The following ASB15 variants were observed in gnomAD, a reference collection of about 807,000 sequenced individuals.
ASB15 encodes ankyrin repeat and SOCS box containing 15, also known as ankyrin repeat and SOCS box protein 15.
Under a neutral mutation model 58.0 loss-of-function variants are expected in ASB15, and 54 were observed. That is an observed-to-expected ratio of 0.93 (90% CI 0.75 to 1.17). The LOEUF (loss-of-function observed/expected upper bound fraction) is 1.17, where lower values mean the gene tolerates loss of function less well. Ranked by LOEUF, ASB15 falls within the 50% of genes most tolerant of loss-of-function variation. The probability of loss-of-function intolerance (pLI) is 0.00; values close to 1 mark genes in which losing one functional copy is unlikely to be tolerated. For synonymous variants in ASB15, 249 were observed against 262.4 expected, an observed-to-expected ratio of 0.95 and a Z score of 0.50; for missense variants, 680 against 707.4, an observed-to-expected ratio of 0.96 and a Z score of 0.44.
At chr7:123,578,139 C>T (rs1263489415) in intron 1 of ASB15, among the ~76,000 whole-genome samples, 1 of 149,738 alleles carries the variant, frequency 6.7e-6, no homozygotes, top group Non-Finnish European at 1.5e-5. Context: ...AATAAAAGGA[C>T]AAATGAATAG....
chr7:123,587,415 A>T (rs1090540), intron 1 of ASB15, among the ~76,000 whole-genome samples: 32,410 of 150,900 alleles, frequency 0.21, 3,676 homozygotes, highest in East Asian at 0.4. Context: ...CTTTACTGTA[A>T]TTGTTTATTA....
rs1191099335 is a variant in ASB15 at position 123,591,149 on chromosome 7, TG to T, written c.-442-12882del. 5.3e-5 allele frequency among the ~76,000 whole-genome samples: 8 copies of T among 151,170 alleles called. No individual in the cohort carries two copies. The Middle Eastern group carries it at 0.014, about 257-fold the overall frequency. ...GCTTGTGATTTTTGCAAATTGATTT[TG>T]TATCCTGAGACTTTGCTGAAGTTGC... On this transcript the variant is annotated intron_variant, in intron 1 of 13. Transcript: ENST00000451558.
At chr7:123,608,400 T>C (rs150811131) in intron 2 of ASB15, among the ~76,000 whole-genome samples, 194 bp from the exon 3 acceptor site, 1 of 152,250 alleles carries the variant, frequency 6.6e-6, no homozygotes, top group Non-Finnish European at 1.5e-5. Flanking sequence ...GTTTAGTTTC[T>C]ACAGATCATT....
chr7:123,572,879 T>C (rs907871764), intron 1 of ASB15, among the ~76,000 whole-genome samples: 3 of 152,162 alleles, frequency 2.0e-5, no homozygotes, highest in Admixed American at 6.5e-5. Context: ...CCTTATTTTA[T>C]GCTATTTAAT....
rs533690944 is a variant in ASB15, at chr7:123,620,505, TAC to T, written c.451+2770_451+2771del. Among the ~76,000 whole-genome samples the T allele has an allele frequency of 7.5e-3, 383 of 50,964 alleles. 16 individuals are homozygous for T. The highest frequency in any genetic ancestry group is 0.014 in the African/African-American group (133 of 9,654). 33.4% of individuals were successfully genotyped at this position (50,964 alleles called of 152,430 possible). ...CCACTAGTAATGTGACACATATACA[TAC>T]ATATATATATATATATATATATATA... On this transcript the variant is annotated intron_variant, in intron 7 of 11. Coordinates refer to ENST00000451215, the MANE Select transcript of ASB15 (RefSeq NM_001290258.2).
chr7:123,574,857 A>T (rs1276111927), intron 1 of ASB15, among the ~76,000 whole-genome samples: 1 of 151,638 alleles, frequency 6.6e-6, no homozygotes, highest in Non-Finnish European at 1.5e-5. Flanking sequence ...TACTCTTTTT[A>T]TTTTTTCTAT....
chr7:123,592,008 T>C (rs1165802094), intron 1 of ASB15, among the ~76,000 whole-genome samples: 1 of 152,194 alleles, frequency 6.6e-6, no homozygotes, highest in African/African-American at 2.4e-5. Flanking sequence ...AGATTCAACT[T>C]TTTCCTGGTT....
intron 4 of ASB15, among the ~76,000 whole-genome samples, 182 bp downstream of exon 4, chr7:123,614,791 A>T (rs1394259778): frequency 3.3e-5 from 5 of 152,220 alleles, no homozygotes; most frequent in African/African-American, 4.8e-5. Flanking sequence ...ATCTTCCACA[A>T]ATCCTCACCT....
chr7:123,579,830 G>A (rs1799175521), intron 1 of ASB15, among the ~76,000 whole-genome samples: 1 of 152,036 alleles, frequency 6.6e-6, no homozygotes, highest in Non-Finnish European at 1.5e-5. Context: ...TAGACATTTA[G>A]TTTAAGTGAG....
At chr7:123,590,179 T>C (rs1483451914) in intron 1 of ASB15, among the ~76,000 whole-genome samples, 2 of 152,172 alleles carry the variant, frequency 1.3e-5, no homozygotes, top group Non-Finnish European at 2.9e-5. Context: ...TTGTTTTTTT[T>C]CCTGTAAATT....
chr7:123,614,542 A>G lies in ASB15; in HGVS notation c.40A>G (p.Ser14Gly). Residue 14 changes from serine to glycine, a missense_variant, in exon 4 of 12, where the codon AGT becomes GGT. Coordinates refer to ENST00000451215, the MANE Select transcript of ASB15 (RefSeq NM_001290258.2). ...NDDPDEDHLT[S>G]YDIQLSIQES... ...TGACCCTGATGAAGACCATCTTACA[A>G]GTTATGATATTCAGCTAAGTATTCA... The G allele has an allele frequency of 1.2e-6, 2 of 1,610,670 alleles. No homozygotes were observed. Among genetic ancestry groups the G allele is most frequent in the African/African-American group, 1.3e-5 (1 of 74,952 alleles).
In ASB15 at chr7:123,624,708, GA is replaced by G; in HGVS notation, c.594del (p.Lys198AsnfsTer8). ...GAAAAGATATCGTAGCTCTGCTGCT[GA>G]AACATGGAGGCAATGTCCACCTGAG... is the stretch of plus-strand genomic sequence containing the variant. ...GRKDIVALLLKHGGNVHLRDG... is the reference protein window; with the variant it reads ...GRKDIVALLLXHGGNVHLRDG... On this transcript the variant is annotated frameshift_variant, in exon 8 of 12. Coordinates refer to ENST00000451215, the MANE Select transcript of ASB15 (RefSeq NM_001290258.2). LOFTEE classifies it high-confidence loss of function. The G allele has an allele frequency of 6.2e-7, 1 of 1,614,224 alleles. No individual in the cohort carries two copies. The highest frequency in any genetic ancestry group is 8.5e-7 in the Non-Finnish European group (1 of 1,180,042).
At chr7:123,610,005 A>G (rs1408234419) in intron 3 of ASB15, among the ~76,000 whole-genome samples, 1 of 152,182 alleles carries the variant, frequency 6.6e-6, no homozygotes, top group Non-Finnish European at 1.5e-5. Context: ...AAGCTTAGGA[A>G]CCTCAGACCA....
chr7:123,600,369 G>A (rs1799837188), upstream of ASB15, among the ~76,000 whole-genome samples: 1 of 152,038 alleles, frequency 6.6e-6, no homozygotes, highest in South Asian at 2.1e-4. Context: ...GGATAAAACA[G>A]GCATACCATC....
chr7:123,595,344 T>C (rs1799663733), intron 1 of ASB15, among the ~76,000 whole-genome samples: 1 of 152,180 alleles, frequency 6.6e-6, no homozygotes, highest in African/African-American at 2.4e-5. Context: ...GGCACATCCT[T>C]TTTGCCTCAT....
chr7:123,586,732 A>G (rs891887725), intron 1 of ASB15, among the ~76,000 whole-genome samples: 5 of 151,576 alleles, frequency 3.3e-5, no homozygotes, highest in Admixed American at 6.6e-5. Context: ...TAATTTTTGT[A>G]TATGGTGTAA....
At chr7:123,570,179 C>T (rs565142455) in intron 1 of ASB15, among the ~76,000 whole-genome samples, 18 of 151,812 alleles carry the variant, frequency 1.2e-4, no homozygotes, top group Non-Finnish European at 1.9e-4. Flanking sequence ...GGACCACAGG[C>T]GCCCGCCACC....
At chr7:123,635,336 T>C (rs1000778619) in intron 11 of ASB15, among the ~76,000 whole-genome samples, 13 of 152,186 alleles carry the variant, frequency 8.5e-5, no homozygotes, top group African/African-American at 3.1e-4. Flanking sequence ...AAACTATACA[T>C]GTGTACTTTC....
chr7:123,567,430 T>C (rs1300100162), intron 1 of ASB15, among the ~76,000 whole-genome samples: 1 of 152,214 alleles, frequency 6.6e-6, no homozygotes, highest in East Asian at 1.9e-4. Flanking sequence ...CAAAATTTGC[T>C]TTGTGATGCC....
Sources: allele counts gnomAD v4.1 joint callset (sites outside exome capture counted in the v4.1 genomes callset), GRCh38; gene constraint gnomAD v4.1.1; transcripts MANE v1.5; gene names NCBI Gene and HGNC (gene_info 2026-07-23, HGNC 2026-07-21).